SLC30A7: variants seen among roughly 807,000 people sequenced by gnomAD.
The protein encoded by SLC30A7 is zinc transporter 7.
Under a neutral mutation model 46.0 loss-of-function variants are expected in SLC30A7, and 35 were observed. That is an observed-to-expected ratio of 0.76 (90% CI 0.58 to 1.01). The LOEUF is 1.01. Among genes scored for constraint, SLC30A7 ranks in the 50% least tolerant of loss-of-function variants. The pLI, the probability that SLC30A7 is intolerant of heterozygous loss-of-function variation, is 0.00. For synonymous variants in SLC30A7, 147 were observed against 157.8 expected, an observed-to-expected ratio of 0.93 and a Z score of 0.51; for missense variants, 464 against 451.1, an observed-to-expected ratio of 1.03 and a Z score of -0.26.
At chr1:100,906,052 T>C (rs1172720461) in intron 2 of SLC30A7, among the ~76,000 whole-genome samples, 1 of 152,242 alleles carries the variant, frequency 6.6e-6, no homozygotes, top group Non-Finnish European at 1.5e-5. Flanking sequence ...CTTTCGAAAC[T>C]ATTTGCTCAG....
intron 8 of SLC30A7, among the ~76,000 whole-genome samples, chr1:100,949,044 T>C (rs1354489315): frequency 6.6e-6 from 1 of 152,126 alleles, no homozygotes; most frequent in Non-Finnish European, 1.5e-5. Context: ...TCAACTCGTC[T>C]AAGTCCAGCT....
At chr1:100,970,157 A>C (rs1656078880) in intron 10 of SLC30A7, among the ~76,000 whole-genome samples, 1 of 152,148 alleles carries the variant, frequency 6.6e-6, no homozygotes, top group African/African-American at 2.4e-5. Context: ...CAAAATACCA[A>C]AAGAAGGATT....
chr1:100,985,023 C>T (rs1353620037), downstream of SLC30A7, among the ~76,000 whole-genome samples: 3 of 151,910 alleles, frequency 2.0e-5, no homozygotes, highest in Non-Finnish European at 4.4e-5. Flanking sequence ...AGACCAGTAA[C>T]CAAAATTTTA....
chr1:100,914,536 G>GT (rs975837934), intron 6 of SLC30A7, among the ~76,000 whole-genome samples: 37 of 151,788 alleles, frequency 2.4e-4, no homozygotes, highest in Non-Finnish European at 1.6e-4. Flanking sequence ...TTACCTCTAT[G>GT]TTTTTTTTAG....
At chr1:100,992,739 C>T in the SLC30A7 span, 1 of 1,609,274 alleles carries the variant, frequency 6.2e-7, no homozygotes, top group Non-Finnish European at 8.5e-7. Context: ...ATCTTCCTTC[C>T]CCTATAGGCA....
chr1:100,974,730 G>GA (rs886553239), intron 10 of SLC30A7, 80 bp from the exon 11 acceptor site: 38 of 1,052,264 alleles, frequency 3.6e-5, no homozygotes, highest in South Asian at 9.4e-5. Flanking sequence ...ATTTGTAAAA[G>GA]AAAAAAAATA....
chr1:100,916,390 T>C (rs1433310207), intron 6 of SLC30A7, among the ~76,000 whole-genome samples: 4 of 152,154 alleles, frequency 2.6e-5, no homozygotes, highest in Non-Finnish European at 1.5e-5. Context: ...TTTCACCGTG[T>C]TAGCCAGGAT....
In SLC30A7 at chr1:100,918,093, A is replaced by T. The variant is rs771220332; in HGVS notation, c.672A>T (p.Lys224Asn). 4 of 1,612,780 alleles carry T rather than the reference A, an allele frequency of 2.5e-6. No homozygotes were observed. The highest frequency in any genetic ancestry group is 1.7e-5 in the Admixed American group (1 of 59,936). Residue 224 changes from lysine (K) to asparagine (N), a missense_variant, in exon 7 of 11, where the codon AAA becomes AAT. Lys to Asn is a moderately conservative substitution (Grantham distance 94). Transcript: ENST00000357650. Reference protein sequence around the residue: ...HFHSHDGPSLKETTGPSRQIL... With the variant: ...HFHSHDGPSLNETTGPSRQIL... ...TCTCTACAGATGGCCCGTCCTTAAA[A>T]GAAACAACAGGACCCAGCAGACAGA... is the stretch of plus-strand genomic sequence containing the variant.
At chr1:100,971,496 T>G (rs1166710798) in intron 10 of SLC30A7, among the ~76,000 whole-genome samples, 1 of 152,120 alleles carries the variant, frequency 6.6e-6, no homozygotes, top group African/African-American at 2.4e-5. Flanking sequence ...GGCCAACAGA[T>G]CCCTAGGTTT....
At chr1:100,933,681 C>T (rs971271381) in intron 8 of SLC30A7, among the ~76,000 whole-genome samples, 8 of 152,042 alleles carry the variant, frequency 5.3e-5, no homozygotes, top group African/African-American at 1.9e-4. Context: ...GTTTTTTGTC[C>T]TTGCGATAGT....
At chr1:100,988,687 A>G in the SLC30A7 span, among the ~76,000 whole-genome samples, 1 of 151,844 alleles carries the variant, frequency 6.6e-6, no homozygotes, top group Admixed American at 6.6e-5. Flanking sequence ...CTCTACACAC[A>G]CACACACAAA....
At chr1:100,993,559 A>ATATAT in the SLC30A7 span, among the ~76,000 whole-genome samples, 1 of 56,546 alleles carries the variant, frequency 1.8e-5, no homozygotes, top group Non-Finnish European at 3.4e-5. Context: ...CGAAAATATA[A>ATATAT]ATATATATAT....
At chr1:100,950,216 A>C (rs1045492988) in intron 8 of SLC30A7, among the ~76,000 whole-genome samples, 6 of 152,214 alleles carry the variant, frequency 3.9e-5, no homozygotes, top group Non-Finnish European at 5.9e-5. Flanking sequence ...TGTTTTGCTT[A>C]ATTAATCCTT....
At chr1:100,955,658 C>CT (rs1655183338) in intron 8 of SLC30A7, among the ~76,000 whole-genome samples, 1 of 152,026 alleles carries the variant, frequency 6.6e-6, no homozygotes, top group South Asian at 2.1e-4. Context: ...TTCATTATGG[C>CT]TAGATAGATC....
downstream of SLC30A7, among the ~76,000 whole-genome samples, chr1:100,986,409 T>A (rs1397004938): frequency 2.5e-4 from 32 of 129,078 alleles, no homozygotes; most frequent in African/African-American, 7.7e-4. Flanking sequence ...AACTCTTGTC[T>A]AAAAAAAAAA....
chr1:100,994,650 C>T, the SLC30A7 span, among the ~76,000 whole-genome samples: 3 of 152,040 alleles, frequency 2.0e-5, no homozygotes, highest in Non-Finnish European at 4.4e-5. Context: ...CCTCAACCTC[C>T]CAAGTAGCTG....
At chr1:100,933,708 T>C (rs984110978) in intron 8 of SLC30A7, among the ~76,000 whole-genome samples, 9 of 152,184 alleles carry the variant, frequency 5.9e-5, no homozygotes, top group African/African-American at 2.2e-4. Context: ...AGAATGGTGG[T>C]TTCCAGCTTC....
chr1:100,904,694 A>T (rs181005453), intron 2 of SLC30A7, among the ~76,000 whole-genome samples: 6 of 152,164 alleles, frequency 3.9e-5, no homozygotes, highest in Admixed American at 6.5e-5. Context: ...GCTTTTAGTA[A>T]TCTCTGTATG....
At position 100,949,364 on chromosome 1, in the gene SLC30A7, C is replaced by G. The variant is rs551225051; in HGVS notation, c.843-12464C>G. Among the ~76,000 whole-genome samples, 11 of 152,026 alleles carry G rather than the reference C, an allele frequency of 7.2e-5. No individual in the cohort carries two copies. The South Asian group carries it at 1.7e-3, about 23-fold the overall frequency. ...GCTGCAGAACAGCAAATATTGCTGC[C>G]TGATCCTTCCTCTGGAAGCTTCATC... On this transcript the variant is annotated intron_variant, in intron 8 of 10. Transcript: ENST00000357650.
Sources: gnomAD v4.1 joint callset for allele counts (sites outside exome capture counted in the v4.1 genomes callset) on GRCh38, gnomAD v4.1.1 for gene constraint, MANE v1.5 for transcripts, NCBI Gene and HGNC (gene_info 2026-07-23, HGNC 2026-07-21) for gene names.